RARB: variants seen among roughly 807,000 people sequenced by gnomAD.
The protein encoded by RARB is retinoic acid receptor beta.
A neutral mutation model predicts 51.9 loss-of-function variants in RARB; 17 were observed. The ratio of observed to expected loss-of-function variants is 0.33; its 90% CI spans 0.22 to 0.49. The LOEUF (loss-of-function observed/expected upper bound fraction) is 0.49, where lower values mean the gene tolerates loss of function less well. RARB is among the 20% of genes least tolerant of loss of function. The pLI is 0.99. For missense variants in RARB, 369 were observed against 550.8 expected (o/e 0.67, Z 3.30); for synonymous variants, 215 against 195.4 (o/e 1.10, Z -0.84).
At chr3:25,094,060 C>T (rs1260929766) in intron 3 of RARB, among the ~76,000 whole-genome samples, 1 of 152,104 alleles carries the variant, frequency 6.6e-6, no homozygotes, top group South Asian at 2.1e-4. Flanking sequence ...TGGGTATGGT[C>T]CAGACCCAGA....
At chr3:25,442,177 C>T (rs1039313387) in intron 1 of RARB, among the ~76,000 whole-genome samples, 60 of 149,534 alleles carry the variant, frequency 4.0e-4, no homozygotes, top group African/African-American at 1.4e-3. Context: ...ACTCTGTTGC[C>T]TAGGCTGGAG....
At chr3:25,392,756 A>G (rs913552248) in intron 5 of RARB, among the ~76,000 whole-genome samples, 2 of 152,090 alleles carry the variant, frequency 1.3e-5, no homozygotes, top group Non-Finnish European at 2.9e-5. Flanking sequence ...AAAACTTTAC[A>G]GAATTCATTT....
intron 5 of RARB, among the ~76,000 whole-genome samples, chr3:25,328,545 G>C (rs1319323827): frequency 6.6e-6 from 1 of 152,078 alleles, no homozygotes; most frequent in Non-Finnish European, 1.5e-5. Context: ...ATAAATAAGT[G>C]AAATAAGGGG....
intron 2 of RARB, among the ~76,000 whole-genome samples, chr3:24,937,929 T>A (rs1695579953): frequency 6.6e-6 from 1 of 152,138 alleles, no homozygotes; most frequent in African/African-American, 2.4e-5. Context: ...CTGAGCTAAA[T>A]CTGAGGAGAC....
chr3:25,368,793 C>T (rs1431120066), intron 5 of RARB, among the ~76,000 whole-genome samples: 1 of 152,172 alleles, frequency 6.6e-6, no homozygotes, highest in Non-Finnish European at 1.5e-5. Context: ...GGACCCATTG[C>T]TCCTCTTACT....
Position 25,331,940 on chromosome 3 carries a change from A to T in RARB, c.179-129253A>T, listed in dbSNP as rs1012127957. Among the ~76,000 whole-genome samples, 9 of 152,114 alleles carry T rather than the reference A, an allele frequency of 5.9e-5. No individual in the cohort carries two copies. The East Asian group carries it at 9.7e-4, about 16-fold the overall frequency. On this transcript the variant is annotated intron_variant, in intron 5 of 11. Transcript: ENST00000383772. ...GAAAATCTAGAAGAAATGGATAAAT[A>T]CCTGGACACATACACCCTCCCAAGA...
chr3:24,935,015 A>T (rs1336642856), intron 2 of RARB, among the ~76,000 whole-genome samples: 2 of 152,142 alleles, frequency 1.3e-5, no homozygotes, highest in Non-Finnish European at 2.9e-5. Context: ...TGGTACTATA[A>T]TATTGGTTTA....
chr3:25,173,139 A>C (rs1700674993), intron 4 of RARB, among the ~76,000 whole-genome samples: 1 of 152,188 alleles, frequency 6.6e-6, no homozygotes, highest in African/African-American at 2.4e-5. Context: ...TGAGGCTATG[A>C]AGTTTACAGC....
At chr3:25,254,713 A>G (rs1702818283) in intron 5 of RARB, among the ~76,000 whole-genome samples, 2 of 152,186 alleles carry the variant, frequency 1.3e-5, no homozygotes, top group Non-Finnish European at 2.9e-5. Context: ...TTGGTCGGTC[A>G]GAGACTGTAT....
chr3:25,385,073 G>A (rs771359444), intron 5 of RARB, among the ~76,000 whole-genome samples: 14 of 152,098 alleles, frequency 9.2e-5, no homozygotes, highest in African/African-American at 2.4e-4. Context: ...AGAATAAAGC[G>A]TACACTCCTC....
intron 1 of RARB, among the ~76,000 whole-genome samples, chr3:25,434,742 A>G (rs145018043): frequency 8.4e-4 from 127 of 151,806 alleles, no homozygotes; most frequent in African/African-American, 2.9e-3. Flanking sequence ...GGGTTTCACT[A>G]TGTTGGCCAG....
intron 2 of RARB, among the ~76,000 whole-genome samples, chr3:24,964,275 C>A (rs375307130): frequency 6.6e-6 from 1 of 152,074 alleles, no homozygotes; most frequent in African/African-American, 2.4e-5. Flanking sequence ...TAGGAATTTA[C>A]AAATCAAATT....
chr3:25,070,358 G>C (rs781750827), intron 3 of RARB, among the ~76,000 whole-genome samples: 3 of 152,162 alleles, frequency 2.0e-5, no homozygotes, highest in Admixed American at 2.0e-4. Flanking sequence ...AGGGAAGAGC[G>C]AGTGCATACT....
At chr3:25,078,169 T>G (rs1575149878) in intron 3 of RARB, among the ~76,000 whole-genome samples, 2 of 152,158 alleles carry the variant, frequency 1.3e-5, no homozygotes, top group African/African-American at 4.8e-5. Flanking sequence ...CTTAACTGGT[T>G]AGTGCTTTTT....
chr3:25,238,094 C>T (rs1202381945), intron 5 of RARB, among the ~76,000 whole-genome samples: 1 of 152,006 alleles, frequency 6.6e-6, no homozygotes, highest in East Asian at 1.9e-4. Flanking sequence ...AGAATTTATT[C>T]CTTCTATTTA....
chr3:25,331,736 G>A (rs1167478701), intron 5 of RARB, among the ~76,000 whole-genome samples: 1 of 152,126 alleles, frequency 6.6e-6, no homozygotes, highest in Admixed American at 6.5e-5. Flanking sequence ...GAATCCAGGA[G>A]CTGGTTTTTT....
chr3:25,471,495 AAGC>A (rs1355329975), intron 2 of RARB, among the ~76,000 whole-genome samples: 1 of 151,958 alleles, frequency 6.6e-6, no homozygotes, highest in African/African-American at 2.4e-5. Flanking sequence ...TGGATTGAAA[AAGC>A]AGAAAAATCT....
In RARB at chr3:25,433,706, T is replaced by C. The variant is rs142307774; in HGVS notation, c.157+4818T>C. 3.4e-3 allele frequency among the ~76,000 whole-genome samples: 522 copies of C among 152,258 alleles called. 3 individuals are homozygous for C. Among genetic ancestry groups the C allele is most frequent in the African/African-American group, 0.012 (494 of 41,552 alleles). On this transcript the variant is annotated intron_variant, in intron 1 of 7. Transcript: ENST00000330688. Reference sequence around the variant, plus strand: ...TAAGTACCTCTTGTTAAATAGGAGATGAGATAACCTGCCCCATCTGTAAGA... The same window carrying C: ...TAAGTACCTCTTGTTAAATAGGAGACGAGATAACCTGCCCCATCTGTAAGA...
chr3:25,162,242 T>TATA (rs1383805777), intron 4 of RARB, among the ~76,000 whole-genome samples: 2 of 152,140 alleles, frequency 1.3e-5, no homozygotes, highest in Non-Finnish European at 2.9e-5. Context: ...TAGCTAAGAC[T>TATA]ATAGGCAAGC....
Sources: allele counts gnomAD v4.1 joint callset (sites outside exome capture counted in the v4.1 genomes callset), GRCh38; gene constraint gnomAD v4.1.1; transcripts MANE v1.5; gene names NCBI Gene and HGNC (gene_info 2026-07-23, HGNC 2026-07-21).